The following KHDRBS3 variants were observed in gnomAD, a reference collection of about 807,000 sequenced individuals.
KHDRBS3 encodes the protein KH domain-containing, RNA-binding, signal transduction-associated protein 3.
A neutral mutation model predicts 45.6 loss-of-function variants in KHDRBS3; 23 were observed. The observed-to-expected ratio is 0.50, with a 90% CI of 0.36 to 0.72. KHDRBS3 has a LOEUF of 0.72. Ranked by LOEUF, KHDRBS3 falls within the 30% of genes least tolerant of loss-of-function variation. The pLI, the probability that KHDRBS3 is intolerant of heterozygous loss-of-function variation, is 0.00. For missense variants in KHDRBS3, 352 were observed against 424.8 expected (o/e 0.83, Z 1.51); for synonymous variants, 162 against 156.5 (o/e 1.04, Z -0.26).
At chr8:135,532,103 T>A (rs757317154) in intron 2 of KHDRBS3, among the ~76,000 whole-genome samples, 1 of 152,176 alleles carries the variant, frequency 6.6e-6, no homozygotes, top group Non-Finnish European at 1.5e-5. Context: ...CTGAGGAGGC[T>A]ACTCCATTTC....
chr8:135,554,391 G>A (rs578005051), intron 4 of KHDRBS3, among the ~76,000 whole-genome samples: 1 of 152,146 alleles, frequency 6.6e-6, no homozygotes, highest in Admixed American at 6.5e-5. Flanking sequence ...CATTTATATA[G>A]CACATTATAT....
Position 135,519,200 on chromosome 8 carries a change from C to A in KHDRBS3, c.89-2037C>A, listed in dbSNP as rs563425142. On this transcript the variant is annotated intron_variant, in intron 1 of 8. Transcript: ENST00000355849. ...CTTCAGTTTCTACCCTGCTTCCTTC[C>A]GTCTCCCCCATCTCATCGCTCTTAA... Among the ~76,000 whole-genome samples the A allele has an allele frequency of 3.3e-5, 5 of 152,250 alleles. No homozygotes were observed. The East Asian group carries it at 5.8e-4, about 18-fold the overall frequency.
intron 6 of KHDRBS3, among the ~76,000 whole-genome samples, chr8:135,592,940 T>C (rs945686733): frequency 6.6e-6 from 1 of 152,154 alleles, no homozygotes; most frequent in Non-Finnish European, 1.5e-5. Context: ...GTCTCACTCC[T>C]GTAATCCCAG....
chr8:135,645,804 C>T (rs1182998645), intron 8 of KHDRBS3, among the ~76,000 whole-genome samples: 1 of 152,168 alleles, frequency 6.6e-6, no homozygotes, highest in Non-Finnish European at 1.5e-5. Flanking sequence ...GATCAGAGAA[C>T]ATGAAGCTTC....
chr8:135,495,632 T>TA (rs1491079172), intron 1 of KHDRBS3, among the ~76,000 whole-genome samples: 1 of 152,216 alleles, frequency 6.6e-6, no homozygotes, highest in Non-Finnish European at 1.5e-5. Flanking sequence ...TTATTTCACT[T>TA]ATCATATTCC....
intron 7 of KHDRBS3, among the ~76,000 whole-genome samples, chr8:135,610,001 C>T (rs1252195463): frequency 6.6e-6 from 1 of 151,828 alleles, no homozygotes; most frequent in East Asian, 1.9e-4. Flanking sequence ...ATAGAGTTTC[C>T]TCCAGTTAAT....
intron 1 of KHDRBS3, among the ~76,000 whole-genome samples, chr8:135,467,150 A>C (rs2130151292): frequency 6.6e-6 from 1 of 152,366 alleles, no homozygotes; most frequent in East Asian, 1.9e-4. Context: ...AAATTAAACA[A>C]GATTAAATGA....
At chr8:135,546,640 C>T (rs116856278) in intron 3 of KHDRBS3, among the ~76,000 whole-genome samples, 2,185 of 152,234 alleles carry the variant, frequency 0.014, 16 homozygotes, top group Non-Finnish European at 0.021. Context: ...ATCCTAAAGA[C>T]GTTTTGTTTG....
intron 1 of KHDRBS3, among the ~76,000 whole-genome samples, chr8:135,503,017 A>G (rs1281671014): frequency 6.6e-6 from 1 of 152,190 alleles, no homozygotes; most frequent in Non-Finnish European, 1.5e-5. Flanking sequence ...TGGCTGCTAT[A>G]TTTGACTGCA....
chr8:135,476,341 A>G (rs1378749782), intron 1 of KHDRBS3, among the ~76,000 whole-genome samples: 1 of 151,978 alleles, frequency 6.6e-6, no homozygotes, highest in Non-Finnish European at 1.5e-5. Flanking sequence ...ATGGGGTTTC[A>G]CCATATTGGT....
chr8:135,530,995 T>C (rs1287427148), intron 2 of KHDRBS3, among the ~76,000 whole-genome samples: 2 of 152,240 alleles, frequency 1.3e-5, no homozygotes, highest in Non-Finnish European at 2.9e-5. Flanking sequence ...ACTTGTAGCC[T>C]GACTTTTGTA....
In KHDRBS3 at chr8:135,647,119, C is replaced by T. The variant is rs758961990; in HGVS notation, c.*35C>T. ...CTGATGTTGTGAAATAGCCAATCTC[C>T]ACCAGTCCTGTATACTGTTCAAAGT... is the stretch of plus-strand genomic sequence containing the variant. On this transcript the variant is annotated 3_prime_UTR_variant, in exon 9 of 9. Transcript: ENST00000355849. 1 of 1,127,392 alleles carries T rather than the reference C, an allele frequency of 8.9e-7. No individual in the cohort carries two copies. The highest frequency in any genetic ancestry group is 1.4e-6 in the Non-Finnish European group (1 of 736,838). The allele number at this position is 1,127,392 out of a possible 1,614,324, so 69.8% of individuals were successfully genotyped here.
intron 5 of KHDRBS3, among the ~76,000 whole-genome samples, chr8:135,569,440 C>T (rs963927165): frequency 5.9e-5 from 9 of 152,082 alleles, no homozygotes; most frequent in South Asian, 4.1e-4. Context: ...CTTTAGGTAA[C>T]GACCAGGTAA....
At chr8:135,531,260 G>A (rs1375603801) in intron 2 of KHDRBS3, among the ~76,000 whole-genome samples, 3 of 152,034 alleles carry the variant, frequency 2.0e-5, no homozygotes, top group Admixed American at 1.3e-4. Flanking sequence ...AATAAGTTGG[G>A]CTGTTTATCA....
At position 135,635,123 on chromosome 8, in the gene KHDRBS3, T is replaced by G. The variant is rs551087738; in HGVS notation, c.891-9936T>G. Among the ~76,000 whole-genome samples the G allele has an allele frequency of 3.3e-5, 5 of 152,340 alleles. No individual in the cohort carries two copies. In the East Asian group the frequency reaches 7.7e-4, roughly 23 times the overall value. ...AAATTAAAACAAACATTTAAAAAATTTATCAATCATTAAATGTAACAGTCA... is the reference window on the plus strand; with the variant it reads ...AAATTAAAACAAACATTTAAAAAATGTATCAATCATTAAATGTAACAGTCA... On this transcript the variant is annotated intron_variant, in intron 7 of 8. Coordinates refer to ENST00000355849, the MANE Select transcript of KHDRBS3 (RefSeq NM_006558.3).
chr8:135,590,782 G>A (rs1828708145), intron 6 of KHDRBS3, among the ~76,000 whole-genome samples: 1 of 152,140 alleles, frequency 6.6e-6, no homozygotes, highest in South Asian at 2.1e-4. Flanking sequence ...AACTAAAATT[G>A]CCTTAGGGAT....
At chr8:135,597,339 A>G (rs887533649) in intron 6 of KHDRBS3, among the ~76,000 whole-genome samples, 1 of 152,204 alleles carries the variant, frequency 6.6e-6, no homozygotes, top group Non-Finnish European at 1.5e-5. Flanking sequence ...ACCACAATGG[A>G]CATTAAGTTT....
At chr8:135,634,455 T>G (rs1301613235) in intron 7 of KHDRBS3, among the ~76,000 whole-genome samples, 2 of 152,188 alleles carry the variant, frequency 1.3e-5, no homozygotes, top group Non-Finnish European at 2.9e-5. Flanking sequence ...AACTATAAAT[T>G]TGGTTTGGCG....
chr8:135,481,223 G>GATATATATATATATATATAT (rs10529846), intron 1 of KHDRBS3, among the ~76,000 whole-genome samples: 66 of 77,326 alleles, frequency 8.5e-4, no homozygotes, highest in African/African-American at 2.8e-3. Context: ...TGAAAGCCAC[G>GATATATATATATATATATAT]ATATATATAT....
Sources: gnomAD v4.1 joint callset for allele counts (sites outside exome capture counted in the v4.1 genomes callset) on GRCh38, gnomAD v4.1.1 for gene constraint, MANE v1.5 for transcripts, NCBI Gene and HGNC (gene_info 2026-07-23, HGNC 2026-07-21) for gene names.